The following MAGI2 variants were observed in gnomAD, a reference collection of about 807,000 sequenced individuals.
MAGI2 encodes membrane associated guanylate kinase, WW and PDZ domain containing 2.
Under a neutral mutation model 133.3 loss-of-function variants are expected in MAGI2, and 35 were observed. The observed-to-expected ratio is 0.26, with a 90% confidence interval of 0.20 to 0.35. The LOEUF (loss-of-function observed/expected upper bound fraction) is 0.35, where lower values mean the gene tolerates loss of function less well. Among genes scored for constraint, MAGI2 ranks in the 10% least tolerant of loss-of-function variants. MAGI2 has a pLI of 1.00. For missense variants in MAGI2, 1,636 were observed against 1,863.4 expected, an observed-to-expected ratio of 0.88 and a Z score of 2.25; for synonymous variants, 729 against 710.6, an observed-to-expected ratio of 1.03 and a Z score of -0.41.
At chr7:79,443,855 T>C (rs1848657722) in intron 1 of MAGI2, among the ~76,000 whole-genome samples, 1 of 152,294 alleles carries the variant, frequency 6.6e-6, no homozygotes, top group East Asian at 1.9e-4. Flanking sequence ...TGATTTTTAA[T>C]TAAATAGTTT....
intron 2 of MAGI2, among the ~76,000 whole-genome samples, chr7:78,732,632 T>A (rs10243919): frequency 6.6e-6 from 1 of 151,890 alleles, no homozygotes; most frequent in African/African-American, 2.4e-5. Flanking sequence ...ATGTTTATTG[T>A]AAAATTCTTC....
At chr7:78,508,889 T>G (rs1795329032) in intron 4 of MAGI2, among the ~76,000 whole-genome samples, 1 of 42,808 alleles carries the variant, frequency 2.3e-5, no homozygotes. Context: ...AAAAATAGTC[T>G]TTTTTTTTTT....
intron 2 of MAGI2, among the ~76,000 whole-genome samples, chr7:78,841,471 G>C (rs1448639216): frequency 6.6e-6 from 1 of 151,864 alleles, no homozygotes; most frequent in Admixed American, 6.6e-5. Context: ...TCTGCACACT[G>C]TTTCTGGGAG....
At chr7:78,812,586 A>ATGTGTGTGTGTGTGTGTGTGTG (rs10542588) in intron 2 of MAGI2, among the ~76,000 whole-genome samples, 8 of 149,438 alleles carry the variant, frequency 5.4e-5, no homozygotes, top group African/African-American at 1.5e-4. Flanking sequence ...ATATGTATGT[A>ATGTGTGTGTGTGTGTGTGTGTG]TGTGTGTGTG....
At chr7:79,083,642 A>G (rs1412589216) in intron 1 of MAGI2, among the ~76,000 whole-genome samples, 1 of 151,496 alleles carries the variant, frequency 6.6e-6, no homozygotes, top group Non-Finnish European at 1.5e-5. Context: ...TTTATTTTTT[A>G]TGTATTTGTT....
chr7:78,606,156 G>T (rs1805790896), intron 3 of MAGI2, among the ~76,000 whole-genome samples: 1 of 151,852 alleles, frequency 6.6e-6, no homozygotes, highest in South Asian at 2.1e-4. Context: ...GAGCTTGGGT[G>T]TACAGGAGGG....
At chr7:79,452,218 A>T (rs1216945712) in intron 1 of MAGI2, among the ~76,000 whole-genome samples, 1 of 152,130 alleles carries the variant, frequency 6.6e-6, no homozygotes, top group East Asian at 1.9e-4. Context: ...GCGGACAACC[A>T]TTCATCTCCT....
At chr7:79,016,224 G>A (rs1808711851) in intron 1 of MAGI2, among the ~76,000 whole-genome samples, 2 of 152,082 alleles carry the variant, frequency 1.3e-5, no homozygotes, top group Non-Finnish European at 2.9e-5. Context: ...ATCCCCCAGG[G>A]CTGCCTTGCA....
chr7:78,251,833 TAACAAAATAATTAAAAA>T (rs1429039716), intron 10 of MAGI2: 1 of 152,130 alleles, frequency 6.6e-6, no homozygotes, highest in African/African-American at 2.4e-5. Flanking sequence ...GCCTTTTATG[TAACAAAATAATTAAAAA>T]GGCAATCCTA....
At chr7:78,260,733 T>C (rs1041998288) in intron 9 of MAGI2, among the ~76,000 whole-genome samples, 3 of 152,162 alleles carry the variant, frequency 2.0e-5, no homozygotes, top group African/African-American at 7.2e-5. Context: ...GTGTGAGTGA[T>C]GAGTTAGGTG....
At chr7:78,594,103 C>T (rs1804333756) in intron 3 of MAGI2, among the ~76,000 whole-genome samples, 1 of 152,224 alleles carries the variant, frequency 6.6e-6, no homozygotes, top group Admixed American at 6.5e-5. Flanking sequence ...TCTCCTTCAA[C>T]CAACCTATAT....
At chr7:79,186,673 C>T (rs1486671405) in intron 1 of MAGI2, among the ~76,000 whole-genome samples, 1 of 112,666 alleles carries the variant, frequency 8.9e-6, no homozygotes, top group Non-Finnish European at 1.6e-5. Flanking sequence ...AGGACGTTTA[C>T]ATTTTATACG....
chr7:79,321,510 T>C (rs1168992226), intron 1 of MAGI2, among the ~76,000 whole-genome samples: 1 of 152,278 alleles, frequency 6.6e-6, no homozygotes, highest in African/African-American at 2.4e-5. Context: ...TAGTGTCTAC[T>C]GACAAAAGAT....
At chr7:78,292,065 A>G (rs528105853) in intron 9 of MAGI2, among the ~76,000 whole-genome samples, 7 of 152,262 alleles carry the variant, frequency 4.6e-5, no homozygotes, top group East Asian at 1.9e-4. Context: ...TCAACATAGT[A>G]TTGGAAGTTC....
chr7:79,189,714 CT>C (rs1827486583), intron 1 of MAGI2, among the ~76,000 whole-genome samples: 1 of 151,690 alleles, frequency 6.6e-6, no homozygotes, highest in Non-Finnish European at 1.5e-5. Context: ...TGACAATTGT[CT>C]TCCATTACAG....
At chr7:79,410,072 T>C (rs1246974527) in intron 1 of MAGI2, 2 of 152,120 alleles carry the variant, frequency 1.3e-5, no homozygotes, top group African/African-American at 2.4e-5. Flanking sequence ...ATCAAAATAA[T>C]ATTAAAGTGT....
intron 2 of MAGI2, among the ~76,000 whole-genome samples, chr7:78,931,559 T>C (rs1232270925): frequency 6.6e-6 from 1 of 151,960 alleles, no homozygotes; most frequent in African/African-American, 2.4e-5. Context: ...GATGAACATG[T>C]AGAGTAAATA....
At chr7:78,337,791 C>T (rs898921816) in intron 9 of MAGI2, among the ~76,000 whole-genome samples, 14 of 152,056 alleles carry the variant, frequency 9.2e-5, no homozygotes, top group Admixed American at 2.6e-4. Flanking sequence ...TTCAGTGGTC[C>T]GCTACATTGT....
chr7:78,922,122 ATTCTTTCTTTCT>A (rs71095367), intron 2 of MAGI2, among the ~76,000 whole-genome samples: 2 of 146,142 alleles, frequency 1.4e-5, no homozygotes, highest in Admixed American at 6.9e-5. Context: ...AGTACACTTG[ATTCTTTCTTTCT>A]TTCTTTCTTT....
Sources: allele counts gnomAD v4.1 joint callset (sites outside exome capture counted in the v4.1 genomes callset), GRCh38; gene constraint gnomAD v4.1.1; transcripts MANE v1.5; gene names NCBI Gene and HGNC (gene_info 2026-07-23, HGNC 2026-07-21).